The following SLIT3 variants were observed in gnomAD, a reference collection of about 807,000 sequenced individuals.
SLIT3 encodes slit homolog 3 protein.
SLIT3 carries 68 observed loss-of-function variants against 184.0 expected under a neutral mutation model. That is an observed-to-expected ratio of 0.37 (90% CI 0.30 to 0.45). The LOEUF (loss-of-function observed/expected upper bound fraction) is 0.45, where lower values mean the gene tolerates loss of function less well. Ranked by LOEUF, SLIT3 falls within the 20% of genes least tolerant of loss-of-function variation. The pLI, the probability that SLIT3 is intolerant of heterozygous loss-of-function variation, is 1.00. For missense variants in SLIT3, 1,707 were observed against 2,026.0 expected (o/e 0.84, Z 3.02); for synonymous variants, 831 against 828.6 (o/e 1.00, Z -0.05).
intron 4 of SLIT3, among the ~76,000 whole-genome samples, chr5:169,017,362 A>G (rs1020894787): frequency 2.6e-5 from 4 of 152,210 alleles, no homozygotes; most frequent in African/African-American, 7.2e-5. Flanking sequence ...CCCAGCTCAC[A>G]TCAGGCACTG....
intron 4 of SLIT3, among the ~76,000 whole-genome samples, chr5:168,923,659 G>A (rs569397634): frequency 3.3e-5 from 5 of 152,158 alleles, no homozygotes; most frequent in Non-Finnish European, 5.9e-5. Context: ...TGGGATTACA[G>A]GCACCTGCCA....
chr5:168,836,162 C>A (rs1406316221), intron 6 of SLIT3, among the ~76,000 whole-genome samples: 1 of 152,180 alleles, frequency 6.6e-6, no homozygotes, highest in Non-Finnish European at 1.5e-5. Context: ...TATAGAAAAG[C>A]AGACTCTCAG....
intron 1 of SLIT3, among the ~76,000 whole-genome samples, chr5:169,278,857 C>G (rs1766902313): frequency 6.6e-6 from 1 of 152,166 alleles, no homozygotes; most frequent in Non-Finnish European, 1.5e-5. Context: ...ACCCACAGCT[C>G]AAGGGGTCTC....
At chr5:169,009,352 A>G (rs17070707) in intron 4 of SLIT3, among the ~76,000 whole-genome samples, 6,654 of 152,292 alleles carry the variant, frequency 0.044, 369 homozygotes, top group African/African-American at 0.11. Flanking sequence ...CAAGGCTCTC[A>G]GAAAGATGTC....
chr5:168,850,134 A>G (rs1023382335), intron 5 of SLIT3, among the ~76,000 whole-genome samples: 7 of 152,196 alleles, frequency 4.6e-5, no homozygotes, highest in Non-Finnish European at 7.3e-5. Context: ...AGAAACGCAT[A>G]TACTTCATAT....
intron 5 of SLIT3, among the ~76,000 whole-genome samples, chr5:168,873,700 C>A (rs1470951687): frequency 1.3e-5 from 2 of 152,024 alleles, no homozygotes; most frequent in Non-Finnish European, 2.9e-5. Flanking sequence ...AAATGCGAGG[C>A]ACAGAGTTTC....
intron 3 of SLIT3, among the ~76,000 whole-genome samples, chr5:169,235,320 T>C (rs1426965649): frequency 4.6e-5 from 7 of 152,088 alleles, no homozygotes; most frequent in Non-Finnish European, 1.0e-4. Flanking sequence ...TATATGTATG[T>C]ATTTTTGGCA....
chr5:169,154,668 G>T (rs1271057500), intron 4 of SLIT3, among the ~76,000 whole-genome samples: 1 of 152,180 alleles, frequency 6.6e-6, no homozygotes, highest in African/African-American at 2.4e-5. Flanking sequence ...GAATTATTGA[G>T]GGAATTAAAT....
chr5:168,670,391 G>A (rs1761199633), intron 34 of SLIT3, among the ~76,000 whole-genome samples: 1 of 152,198 alleles, frequency 6.6e-6, no homozygotes, highest in African/African-American at 2.4e-5. Flanking sequence ...ACCAGGAATT[G>A]TGTTAAGTGC....
chr5:168,832,469 T>C (rs931270889), intron 6 of SLIT3, among the ~76,000 whole-genome samples: 2 of 152,196 alleles, frequency 1.3e-5, no homozygotes, highest in Non-Finnish European at 2.9e-5. Flanking sequence ...AGCCTCACTG[T>C]TTACTGAATG....
At chr5:168,933,325 T>C (rs1762053769) in intron 4 of SLIT3, among the ~76,000 whole-genome samples, 1 of 152,108 alleles carries the variant, frequency 6.6e-6, no homozygotes, top group Non-Finnish European at 1.5e-5. Context: ...GGGTGGATCA[T>C]GAGCTCAGGA....
At chr5:168,922,584 GA>G (rs979639771) in intron 4 of SLIT3, among the ~76,000 whole-genome samples, 4 of 152,152 alleles carry the variant, frequency 2.6e-5, no homozygotes, top group African/African-American at 7.2e-5. Flanking sequence ...AAGGGGAAGA[GA>G]GAGAGAAAAA....
At chr5:168,866,527 G>A (rs975615940) in intron 5 of SLIT3, among the ~76,000 whole-genome samples, 7 of 152,330 alleles carry the variant, frequency 4.6e-5, no homozygotes, top group Admixed American at 3.3e-4. Flanking sequence ...ATGCCGAACA[G>A]CACACAGGAA....
chr5:169,073,526 TTTGGATGTTTGTCCCCTCCAAATCTCATG>T, intron 4 of SLIT3, among the ~76,000 whole-genome samples: 1 of 152,136 alleles, frequency 6.6e-6, no homozygotes, highest in East Asian at 1.9e-4. Flanking sequence ...AGTGATGTGA[TTTGGATGTTTGTCCCCTCCAAATCTCATG>T]TTGAATGTGA....
intron 13 of SLIT3, among the ~76,000 whole-genome samples, chr5:168,773,344 G>A (rs189153956): frequency 1.2e-4 from 19 of 152,284 alleles, no homozygotes; most frequent in South Asian, 4.1e-4. Flanking sequence ...CTGGCACGGC[G>A]CCTGGCATAT....
At chr5:169,086,571 T>C (rs1310686938) in intron 4 of SLIT3, among the ~76,000 whole-genome samples, 1 of 152,242 alleles carries the variant, frequency 6.6e-6, no homozygotes, top group Non-Finnish European at 1.5e-5. Flanking sequence ...AGTATTTTTT[T>C]CCTTGACTTC....
chr5:168,913,353 A>G (rs1039114491), intron 4 of SLIT3, among the ~76,000 whole-genome samples: 1 of 152,254 alleles, frequency 6.6e-6, no homozygotes, highest in Non-Finnish European at 1.5e-5. Context: ...CCTCATATTA[A>G]GTGACCACAA....
At chr5:169,091,980 G>A (rs1287112674) in intron 4 of SLIT3, among the ~76,000 whole-genome samples, 1 of 152,182 alleles carries the variant, frequency 6.6e-6, no homozygotes, top group African/African-American at 2.4e-5. Context: ...CCAGCACTTT[G>A]GGAGGCCGAG....
chr5:168,793,060 A>T (rs1244558404), intron 10 of SLIT3, among the ~76,000 whole-genome samples: 1 of 152,226 alleles, frequency 6.6e-6, no homozygotes, highest in Non-Finnish European at 1.5e-5. Flanking sequence ...GTATGTGAAA[A>T]TATTCCAAAC....
Sources: allele counts gnomAD v4.1 joint callset (sites outside exome capture counted in the v4.1 genomes callset), GRCh38; gene constraint gnomAD v4.1.1; transcripts MANE v1.5; gene names NCBI Gene and HGNC (gene_info 2026-07-23, HGNC 2026-07-21).